The following ZNF324B variants were observed in gnomAD, a reference collection of about 807,000 sequenced individuals.
The protein encoded by ZNF324B is zinc finger protein 324B.
A neutral mutation model predicts 10.6 loss-of-function variants in ZNF324B; 7 were observed. That is an observed-to-expected ratio of 0.66 (90% CI 0.38 to 1.24). The LOEUF (loss-of-function observed/expected upper bound fraction) is 1.24. Among genes scored for constraint, ZNF324B ranks in the 50% most tolerant of loss-of-function variants. ZNF324B has a pLI of 0.02. For missense variants in ZNF324B, 640 were observed against 764.7 expected, an observed-to-expected ratio of 0.84 and a Z score of 1.92; for synonymous variants, 316 against 321.0, an observed-to-expected ratio of 0.98 and a Z score of 0.17.
the ZNF324B span, among the ~76,000 whole-genome samples, chr19:58,427,434 C>CT: frequency 3.2e-5 from 1 of 31,328 alleles, no homozygotes; most frequent in Admixed American, 3.6e-4. Flanking sequence ...TTCCTTCCTT[C>CT]CTTCCTTCCT....
chr19:58,439,763 G>T, the ZNF324B span: 4 of 1,542,214 alleles, frequency 2.6e-6, no homozygotes, highest in South Asian at 3.6e-5. Context: ...ACTTACCTGC[G>T]CCGGGCCCAT....
At position 58,455,255 on chromosome 19, in the gene ZNF324B, G is replaced by A; in HGVS notation, c.311G>A (p.Gly104Glu). The change falls in exon 4 of 4, where the codon GGG becomes GAG. Residue 104 changes from glycine (G) to glutamate (E), a missense_variant. Physicochemically the swap from Gly to Glu is moderately conservative, Grantham distance 98 (BLOSUM62 -2). This residue lies in a region of ZNF324B where 345 missense variants were observed against 387.9 expected (regional missense o/e 0.89). Coordinates refer to ENST00000336614, the MANE Select transcript of ZNF324B (RefSeq NM_207395.3). This position sits in a 1 kb window ranked among gnomAD's most constrained non-coding sequence, Gnocchi z 7.0. ...WPRAFPDTPP[G>E]MTTSVFPVAD... ...CGAGCTTTCCCAGATACCCCACCTGGGATGACTACTAGCGTCTTCCCAGTT... is the reference window on the plus strand; with the variant it reads ...CGAGCTTTCCCAGATACCCCACCTGAGATGACTACTAGCGTCTTCCCAGTT... 3 of 1,614,186 alleles carry A rather than the reference G, an allele frequency of 1.9e-6. No homozygotes were observed. Among genetic ancestry groups the A allele is most frequent in the Non-Finnish European group, 2.5e-6 (3 of 1,180,026 alleles).
At chr19:58,435,215 A>G in the ZNF324B span, 2 of 1,596,736 alleles carry the variant, frequency 1.3e-6, no homozygotes, top group Non-Finnish European at 8.5e-7. Flanking sequence ...CAAGAACCTG[A>G]AAGTAGAGAA....
At chr19:58,437,361 C>T in the ZNF324B span, 2 of 970,110 alleles carry the variant, frequency 2.1e-6, no homozygotes, top group South Asian at 3.6e-5. Flanking sequence ...AGCTTATCTT[C>T]TTCCTCAGGG....
At chr19:58,431,545 AC>A in the ZNF324B span, among the ~76,000 whole-genome samples, 1 of 152,114 alleles carries the variant, frequency 6.6e-6, no homozygotes. Flanking sequence ...ATAGGTGTGC[AC>A]CACTGCACCT....
the ZNF324B span, among the ~76,000 whole-genome samples, chr19:58,427,288 C>CTT: frequency 6.3e-5 from 5 of 79,840 alleles, no homozygotes; most frequent in South Asian, 5.3e-4. Context: ...CCATGCCTGG[C>CTT]TTTTTTCTTT....
At chr19:58,425,934 TG>T in the ZNF324B span, among the ~76,000 whole-genome samples, 1 of 152,232 alleles carries the variant, frequency 6.6e-6, no homozygotes, top group South Asian at 2.1e-4. Flanking sequence ...CACCCTCCCA[TG>T]TTGAAATCTC....
At chr19:58,428,741 T>C in the ZNF324B span, 1 of 152,230 alleles carries the variant, frequency 6.6e-6, no homozygotes, top group Non-Finnish European at 1.5e-5. Context: ...GCCATAGTCA[T>C]TGGAAGTTTC....
At chr19:58,434,248 T>C in the ZNF324B span, 4 of 1,613,744 alleles carry the variant, frequency 2.5e-6, no homozygotes, top group East Asian at 2.2e-5. Context: ...AGGTCTTACC[T>C]GTGTGTGAAC....
At chr19:58,427,444 T>TTCCTTCCTTCC in the ZNF324B span, among the ~76,000 whole-genome samples, 3 of 74,954 alleles carry the variant, frequency 4.0e-5, no homozygotes, top group African/African-American at 9.0e-5. Flanking sequence ...CCTTCCTTCC[T>TTCCTTCCTTCC]TTCCTTTCCC....
rs765980631 is a variant in ZNF324B, at chr19:58,456,327, T to C, written c.1383T>C (p.Gly461=). Residue 461 remains glycine (G), a synonymous_variant, in exon 4 of 4, where the codon GGT becomes GGC. Coordinates refer to ENST00000336614, the MANE Select transcript of ZNF324B (RefSeq NM_207395.3). The surrounding 1 kb of genome is among the most constrained non-coding windows in gnomAD (Gnocchi z 4.7). The stretch of plus-strand genomic sequence containing the variant: ...TCCGCTGCGTGGACTGTGGCAAGGG[T>C]TTCGCCAAGGGCGCCGTGCTGCTCA... ...RPFRCVDCGK[G]FAKGAVLLSH... 102 of 1,612,310 alleles carry C rather than the reference T, an allele frequency of 6.3e-5. No homozygotes were observed. Among genetic ancestry groups the C allele is most frequent in the East Asian group, 2.2e-4 (10 of 44,836 alleles).
chr19:58,446,370 T>C, the ZNF324B span, among the ~76,000 whole-genome samples: 1 of 152,064 alleles, frequency 6.6e-6, no homozygotes, highest in Non-Finnish European at 1.5e-5. Flanking sequence ...CACCACTGGG[T>C]CCTGTGGTGG....
chr19:58,454,918 C>A (rs2052898466), intron 3 of ZNF324B: 1 of 616,532 alleles, frequency 1.6e-6, no homozygotes, highest in African/African-American at 1.8e-5. Context: ...TGGCACGCAG[C>A]AGCTGCTGTT....
chr19:58,440,329 A>G, the ZNF324B span: 11 of 168,998 alleles, frequency 6.5e-5, no homozygotes, highest in Non-Finnish European at 1.0e-4. Context: ...CTGCTCAGGC[A>G]ACGCAAACTA....
In ZNF324B at chr19:58,455,898, C is replaced by T. The variant is rs139456933; in HGVS notation, c.954C>T (p.Cys318=). Reference sequence around the variant, plus strand: ...AGACGCCCTACGCGTGCCCCGTGTGCGGCAAGGCCTTCCGGCATAGCTCCT... The same window carrying T: ...AGACGCCCTACGCGTGCCCCGTGTGTGGCAAGGCCTTCCGGCATAGCTCCT... The part of the protein sequence containing the change: ...SGETPYACPV[C]GKAFRHSSSL... Residue 318 remains cysteine, a synonymous_variant, in exon 4 of 4, where the codon TGC becomes TGT. Transcript: ENST00000336614. The surrounding 1 kb of genome is among the most constrained non-coding windows in gnomAD (Gnocchi z 7.0). The T allele has an allele frequency of 8.4e-3, 13,555 of 1,606,136 alleles. 80 individuals are homozygous for T. Among genetic ancestry groups the T allele is most frequent in the Non-Finnish European group, 9.6e-3 (11,234 of 1,175,086 alleles).
the ZNF324B span, chr19:58,443,960 C>T: frequency 1.3e-5 from 2 of 152,312 alleles, no homozygotes; most frequent in East Asian, 3.8e-4. Flanking sequence ...GATCACCTAA[C>T]TAGAACAAAT....
At chr19:58,430,856 C>T in the ZNF324B span, 1 of 152,184 alleles carries the variant, frequency 6.6e-6, no homozygotes, top group Non-Finnish European at 1.5e-5. Context: ...CATGGCCTGC[C>T]CGGTGTTATC....
At chr19:58,445,353 A>T in the ZNF324B span, 1 of 509,160 alleles carries the variant, frequency 2.0e-6, no homozygotes, top group Admixed American at 2.1e-5. Flanking sequence ...TCCTGCCTTG[A>T]TGTGCACAAA....
chr19:58,422,855 A>G, the ZNF324B span, among the ~76,000 whole-genome samples: 3 of 152,138 alleles, frequency 2.0e-5, no homozygotes, highest in Admixed American at 6.6e-5. Flanking sequence ...GATTAGGAGA[A>G]TTAATATATT....
Sources: allele counts gnomAD v4.1 joint callset (sites outside exome capture counted in the v4.1 genomes callset), GRCh38; gene constraint gnomAD v4.1.1; regional missense constraint gnomAD v4.1.1; non-coding constraint Gnocchi (gnomAD v3.1); transcripts MANE v1.5; gene names NCBI Gene and HGNC (gene_info 2026-07-23, HGNC 2026-07-21).